Variants in PDE7B observed in about 807,000 individuals in gnomAD.
PDE7B encodes 3',5'-cyclic-AMP phosphodiesterase 7B.
A neutral mutation model predicts 56.2 loss-of-function variants in PDE7B; 29 were observed. That is an observed-to-expected ratio of 0.52 (90% CI 0.38 to 0.70). The LOEUF is 0.70. Ranked by LOEUF, PDE7B falls within the 30% of genes least tolerant of loss-of-function variation. PDE7B has a pLI of 0.00. For missense variants in PDE7B, 490 were observed against 565.0 expected (o/e 0.87, Z 1.35); for synonymous variants, 197 against 196.9 (o/e 1.00, Z 0.00).
At chr6:136,107,648 A>C (rs1490312107) in intron 2 of PDE7B, among the ~76,000 whole-genome samples, 1 of 152,122 alleles carries the variant, frequency 6.6e-6, no homozygotes, top group Non-Finnish European at 1.5e-5. Flanking sequence ...TTATTTTATA[A>C]ATGAGGCGTC....
At chr6:136,152,683 A>T (rs1778539889) in intron 6 of PDE7B, among the ~76,000 whole-genome samples, 1 of 152,236 alleles carries the variant, frequency 6.6e-6, no homozygotes, top group African/African-American at 2.4e-5. Context: ...TAATCACCAA[A>T]TGACTTTCCT....
intron 1 of PDE7B, among the ~76,000 whole-genome samples, chr6:135,937,257 A>G (rs1774436875): frequency 6.6e-6 from 1 of 152,160 alleles, no homozygotes; most frequent in Non-Finnish European, 1.5e-5. Context: ...CCTTGAACAG[A>G]TGGCCTGTGA....
At chr6:136,160,867 A>T (rs1248761677) in intron 8 of PDE7B, among the ~76,000 whole-genome samples, 2 of 152,224 alleles carry the variant, frequency 1.3e-5, no homozygotes, top group East Asian at 3.9e-4. Context: ...TGCTGAATAC[A>T]TGCTAGGTGC....
chr6:136,019,098 A>T (rs985231550), intron 2 of PDE7B, among the ~76,000 whole-genome samples: 6 of 152,086 alleles, frequency 3.9e-5, no homozygotes, highest in Non-Finnish European at 7.3e-5. Context: ...TATTTAACAT[A>T]TAATCCTGGA....
At chr6:136,004,331 T>C (rs1178590517) in intron 2 of PDE7B, among the ~76,000 whole-genome samples, 1 of 152,120 alleles carries the variant, frequency 6.6e-6, no homozygotes, top group Non-Finnish European at 1.5e-5. Context: ...CTATTTAACA[T>C]AGTGTTGGAA....
intron 2 of PDE7B, among the ~76,000 whole-genome samples, chr6:135,966,346 A>G (rs576191610): frequency 3.0e-4 from 45 of 152,316 alleles, no homozygotes; most frequent in African/African-American, 1.1e-3. Context: ...GCTTGGTATC[A>G]TAGTTAATGG....
chr6:135,904,854 T>C (rs935949307), intron 1 of PDE7B, among the ~76,000 whole-genome samples: 3 of 152,214 alleles, frequency 2.0e-5, no homozygotes, highest in East Asian at 1.9e-4. Flanking sequence ...ATTAACCTCA[T>C]AGAGTTCATT....
At position 136,164,945 on chromosome 6, in the gene PDE7B, T is replaced by G. The variant is rs114645026; in HGVS notation, c.712-8852T>G. 4.8e-3 allele frequency among the ~76,000 whole-genome samples: 736 copies of G among 152,334 alleles called. 6 individuals carry two copies. Among genetic ancestry groups the G allele is most frequent in the African/African-American group, 0.017 (710 of 41,574 alleles). On this transcript the variant is annotated intron_variant, in intron 8 of 12. Transcript: ENST00000308191. Reference sequence around the variant, plus strand: ...ACATTTAATACCCAGAAGAGTGATATAGTAAGTTTATATTAAACTACCAAC... The same window carrying G: ...ACATTTAATACCCAGAAGAGTGATAGAGTAAGTTTATATTAAACTACCAAC...
chr6:135,949,758 A>C (rs1774664057), intron 2 of PDE7B, among the ~76,000 whole-genome samples: 1 of 152,130 alleles, frequency 6.6e-6, no homozygotes, highest in African/African-American at 2.4e-5. Context: ...CTAAATAATA[A>C]AAGGAACTGT....
chr6:136,184,181 A>G (rs1328092829), intron 11 of PDE7B, among the ~76,000 whole-genome samples: 1 of 152,232 alleles, frequency 6.6e-6, no homozygotes, highest in African/African-American at 2.4e-5. Flanking sequence ...TTGTACTCTC[A>G]AAGTACTAAT....
chr6:135,872,939 A>G (rs370128918), intron 1 of PDE7B, among the ~76,000 whole-genome samples: 6 of 152,046 alleles, frequency 3.9e-5, no homozygotes, highest in East Asian at 3.9e-4. Flanking sequence ...TCTTTCTCTT[A>G]TGTTCTGTTT....
At chr6:136,006,088 A>G (rs1775775903) in intron 2 of PDE7B, among the ~76,000 whole-genome samples, 2 of 151,552 alleles carry the variant, frequency 1.3e-5, no homozygotes, top group Non-Finnish European at 2.9e-5. Context: ...CATCATTCTC[A>G]GTAAACTATC....
chr6:136,096,782 A>G (rs2128216692), intron 2 of PDE7B, among the ~76,000 whole-genome samples: 1 of 152,296 alleles, frequency 6.6e-6, no homozygotes, highest in Admixed American at 6.5e-5. Flanking sequence ...CTTATCATTC[A>G]AGATCCATTT....
chr6:135,948,842 AC>A (rs1774636104), intron 2 of PDE7B, among the ~76,000 whole-genome samples: 3 of 131,444 alleles, frequency 2.3e-5, no homozygotes, highest in African/African-American at 5.8e-5. Flanking sequence ...TATTTCAGGT[AC>A]TAGATAGATA....
intron 1 of PDE7B, among the ~76,000 whole-genome samples, chr6:135,860,293 T>A (rs1366641171): frequency 6.6e-6 from 1 of 152,078 alleles, no homozygotes; most frequent in Non-Finnish European, 1.5e-5. Context: ...TTAAAATCCA[T>A]CCTTAATCAT....
At chr6:136,014,780 C>G (rs758360053) in intron 2 of PDE7B, among the ~76,000 whole-genome samples, 10 of 152,144 alleles carry the variant, frequency 6.6e-5, no homozygotes, top group African/African-American at 2.4e-4. Flanking sequence ...CTATTCAAAG[C>G]CTCATCTCTT....
chr6:136,036,333 A>G (rs1776325892), intron 2 of PDE7B, among the ~76,000 whole-genome samples: 1 of 152,226 alleles, frequency 6.6e-6, no homozygotes, highest in African/African-American at 2.4e-5. Flanking sequence ...TGTTATAGAA[A>G]GAGCTGCTAG....
At chr6:135,913,924 CT>C (rs1776252995) in intron 1 of PDE7B, among the ~76,000 whole-genome samples, 1 of 152,132 alleles carries the variant, frequency 6.6e-6, no homozygotes, top group African/African-American at 2.4e-5. Flanking sequence ...AACTATGCCA[CT>C]TTTTTTCTGT....
intron 8 of PDE7B, among the ~76,000 whole-genome samples, chr6:136,172,528 A>T (rs899029180): frequency 6.6e-6 from 1 of 151,856 alleles, no homozygotes; most frequent in African/African-American, 2.4e-5. Flanking sequence ...TAGATTCTGG[A>T]TATTAGCCCT....
Sources: allele counts gnomAD v4.1 joint callset (sites outside exome capture counted in the v4.1 genomes callset), GRCh38; gene constraint gnomAD v4.1.1; transcripts MANE v1.5; gene names NCBI Gene and HGNC (gene_info 2026-07-23, HGNC 2026-07-21).